Variants in CDH12 observed in about 807,000 individuals in gnomAD.
CDH12 encodes cadherin-12.
A neutral mutation model predicts 74.1 loss-of-function variants in CDH12; 41 were observed. The ratio of observed to expected loss-of-function variants is 0.55; its 90% CI spans 0.43 to 0.72. The LOEUF (loss-of-function observed/expected upper bound fraction) is 0.72, where lower values mean the gene tolerates loss of function less well. CDH12 is among the 30% of genes least tolerant of loss of function. The pLI is 0.00. For missense variants in CDH12, 945 were observed against 977.2 expected, an observed-to-expected ratio of 0.97 and a Z score of 0.44; for synonymous variants, 399 against 355.0, an observed-to-expected ratio of 1.12 and a Z score of -1.39.
intron 5 of CDH12, among the ~76,000 whole-genome samples, chr5:22,052,013 A>G (rs1387879956): frequency 2.0e-5 from 3 of 152,168 alleles, no homozygotes; most frequent in East Asian, 1.9e-4. Flanking sequence ...CTTTTATTAC[A>G]TGAAATATTT....
intron 6 of CDH12, among the ~76,000 whole-genome samples, chr5:21,881,603 A>T (rs945809058): frequency 2.6e-5 from 4 of 152,064 alleles, no homozygotes; most frequent in Non-Finnish European, 4.4e-5. Flanking sequence ...CATTTTTTTT[A>T]AATTTGGAAT....
chr5:22,562,186 G>A (rs1222974238), intron 1 of CDH12, among the ~76,000 whole-genome samples: 2 of 151,480 alleles, frequency 1.3e-5, no homozygotes, highest in East Asian at 1.9e-4. Context: ...GCGTAGTGGC[G>A]GGCGCCTGTA....
In CDH12 at chr5:22,250,037, T is replaced by C. The variant is rs558321180; in HGVS notation, c.-332-37394A>G. On this transcript the variant is annotated intron_variant, in intron 3 of 14. Transcript: ENST00000382254. ...ATCCAATTAAAAAAAAAATGTAGGC[T>C]GGTGGGGAAGTATTGCAGAAAAAAC... Among the ~76,000 whole-genome samples, 24 of 151,832 alleles carry C rather than the reference T, an allele frequency of 1.6e-4. No individual in the cohort carries two copies. The South Asian group carries it at 3.3e-3, about 21-fold the overall frequency.
chr5:21,872,150 C>G (rs762117366), intron 6 of CDH12, among the ~76,000 whole-genome samples: 2 of 152,140 alleles, frequency 1.3e-5, no homozygotes, highest in Non-Finnish European at 2.9e-5. Flanking sequence ...CTGCTTAACA[C>G]CCCGACCTTG....
chr5:21,968,511 C>T (rs940278634), intron 6 of CDH12, among the ~76,000 whole-genome samples: 2 of 152,100 alleles, frequency 1.3e-5, no homozygotes, highest in South Asian at 2.1e-4. Context: ...AAAGGCAGAA[C>T]GAAGAGCCTA....
At chr5:21,890,779 T>C (rs983046097) in intron 6 of CDH12, among the ~76,000 whole-genome samples, 2 of 152,090 alleles carry the variant, frequency 1.3e-5, no homozygotes, top group Admixed American at 6.6e-5. Flanking sequence ...AAGCTCATTT[T>C]ATAAAAGGAC....
intron 9 of CDH12, among the ~76,000 whole-genome samples, chr5:21,810,961 T>C (rs1747714439): frequency 6.6e-6 from 1 of 152,108 alleles, no homozygotes. Context: ...AAAAAGAGTT[T>C]TACTGATTTA....
At chr5:22,013,961 T>C (rs906285059) in intron 5 of CDH12, among the ~76,000 whole-genome samples, 1 of 152,176 alleles carries the variant, frequency 6.6e-6, no homozygotes, top group African/African-American at 2.4e-5. Flanking sequence ...GTGCAGTGGC[T>C]CACACCTGTA....
At position 22,489,215 on chromosome 5, in the gene CDH12, A is replaced by G. The variant is rs185651221; in HGVS notation, c.-428+16055T>C. 2.8e-3 allele frequency among the ~76,000 whole-genome samples: 418 copies of G among 150,530 alleles called. 5 individuals carry two copies. The highest frequency in any genetic ancestry group is 9.8e-3 in the African/African-American group (403 of 41,056). On this transcript the variant is annotated intron_variant, in intron 2 of 14. Coordinates refer to ENST00000382254, the MANE Select transcript of CDH12 (RefSeq NM_004061.5). ...TGGGACTACAGGTGCCCACCACCACACCTGGCTAATTTTTTGTATTTTTAG... is the reference window on the plus strand; with the variant it reads ...TGGGACTACAGGTGCCCACCACCACGCCTGGCTAATTTTTTGTATTTTTAG...
chr5:22,257,310 C>A (rs183043939), intron 3 of CDH12, among the ~76,000 whole-genome samples: 167 of 151,518 alleles, frequency 1.1e-3, no homozygotes, highest in Middle Eastern at 6.8e-3. Flanking sequence ...GCACTTGTAT[C>A]CCTGAACTTA....
intron 8 of CDH12, among the ~76,000 whole-genome samples, chr5:21,819,503 A>G (rs1748246058): frequency 6.6e-6 from 1 of 152,014 alleles, no homozygotes; most frequent in Admixed American, 6.6e-5. Context: ...GTGATGAAGT[A>G]TCTGAGGAAC....
chr5:22,341,070 ATAGTC>A (rs1211150237), intron 3 of CDH12, among the ~76,000 whole-genome samples: 1 of 152,220 alleles, frequency 6.6e-6, no homozygotes, highest in Non-Finnish European at 1.5e-5. Context: ...AATTCTTACT[ATAGTC>A]TATATACTTT....
intron 13 of CDH12, among the ~76,000 whole-genome samples, chr5:21,756,644 G>T (rs973621222): frequency 1.3e-5 from 2 of 152,108 alleles, no homozygotes; most frequent in African/African-American, 4.8e-5. Flanking sequence ...TTTGTTTTAT[G>T]AATAACAATA....
At position 22,061,213 on chromosome 5, in the gene CDH12, C is replaced by T. The variant is rs181809356; in HGVS notation, c.231+17233G>A. ...TATGAAATTTCTGTGGGAAATTCCACAGGTAGAAATAATATGCTTCCTTAA... is the reference window on the plus strand; with the variant it reads ...TATGAAATTTCTGTGGGAAATTCCATAGGTAGAAATAATATGCTTCCTTAA... On this transcript the variant is annotated intron_variant, in intron 5 of 14. Transcript: ENST00000382254. 4.1e-4 allele frequency among the ~76,000 whole-genome samples: 63 copies of T among 152,222 alleles called. No homozygotes were observed. The South Asian group carries it at 7.5e-3, about 18-fold the overall frequency.
At chr5:22,808,846 A>G (rs1748963927) in intron 1 of CDH12, among the ~76,000 whole-genome samples, 1 of 129,112 alleles carries the variant, frequency 7.7e-6, no homozygotes, top group South Asian at 2.6e-4. Context: ...TGACCTTGTG[A>G]TCTGCCTGCC....
At chr5:21,915,227 AG>A (rs1403532556) in intron 6 of CDH12, among the ~76,000 whole-genome samples, 1 of 152,188 alleles carries the variant, frequency 6.6e-6, no homozygotes, top group African/African-American at 2.4e-5. Context: ...GCTAGACATT[AG>A]TAGGGGCTGG....
At chr5:22,516,150 G>A (rs971483515) in intron 1 of CDH12, among the ~76,000 whole-genome samples, 3 of 151,962 alleles carry the variant, frequency 2.0e-5, no homozygotes, top group African/African-American at 7.2e-5. Flanking sequence ...AAACTAAGAT[G>A]GCAAGATAAA....
chr5:22,326,404 T>G (rs1007276117), intron 3 of CDH12, among the ~76,000 whole-genome samples: 1 of 152,084 alleles, frequency 6.6e-6, no homozygotes, highest in Non-Finnish European at 1.5e-5. Flanking sequence ...CCGGGCTAGT[T>G]TTTTGTATTT....
At chr5:22,352,477 G>T (rs1457573684) in intron 3 of CDH12, among the ~76,000 whole-genome samples, 2 of 152,214 alleles carry the variant, frequency 1.3e-5, no homozygotes, top group African/African-American at 4.8e-5. Flanking sequence ...ACAAAGAAAA[G>T]AAAAAGTTGA....
Sources: allele counts gnomAD v4.1 joint callset (sites outside exome capture counted in the v4.1 genomes callset), GRCh38; gene constraint gnomAD v4.1.1; transcripts MANE v1.5; gene names NCBI Gene and HGNC (gene_info 2026-07-23, HGNC 2026-07-21).